The following UBE2N variants were observed in gnomAD, a reference collection of about 807,000 sequenced individuals.
UBE2N encodes the protein ubiquitin-conjugating enzyme E2 N.
For missense variants in UBE2N, 60 were observed against 192.1 expected, an observed-to-expected ratio of 0.31 and a Z score of 4.07; for synonymous variants, 70 against 69.2, an observed-to-expected ratio of 1.01 and a Z score of -0.06.
rs1395262899 is a variant in UBE2N at position 93,407,389 on chromosome 12, CCAA to C, written c.*2647_*2649del. Reference sequence around the variant, plus strand: ...CCATTCACTCACCACCTAATCATCCCCAACAACTAGTGGGCAAACATGAAACAC... The same window carrying C: ...CCATTCACTCACCACCTAATCATCCCCAACTAGTGGGCAAACATGAAACAC... On this transcript the variant is annotated 3_prime_UTR_variant, in exon 4 of 4. Coordinates refer to ENST00000318066, the MANE Select transcript of UBE2N (RefSeq NM_003348.4). 1.3e-5 allele frequency: 2 copies of C among 152,234 alleles called. No individual in the cohort carries two copies. The highest frequency in any genetic ancestry group is 1.5e-5 in the Non-Finnish European group (1 of 68,068). 9.4% of individuals were successfully genotyped at this position (152,234 alleles called of 1,614,324 possible). A position where few individuals can be genotyped will look rare whatever the true frequency, so the allele number is the denominator to read the frequency against.
chr12:93,417,589 T>C (rs1035028880), intron 1 of UBE2N, among the ~76,000 whole-genome samples: 1 of 152,220 alleles, frequency 6.6e-6, no homozygotes, highest in Non-Finnish European at 1.5e-5. Flanking sequence ...TTTTAGAATA[T>C]TCTCTGAAAC....
intron 1 of UBE2N, among the ~76,000 whole-genome samples, chr12:93,418,683 A>C (rs1329636633): frequency 2.0e-5 from 3 of 152,116 alleles, no homozygotes; most frequent in Non-Finnish European, 4.4e-5. Context: ...ATCCAACAGA[A>C]ATATAATACA....
intron 1 of UBE2N, among the ~76,000 whole-genome samples, chr12:93,423,851 C>T (rs1034782323): frequency 2.6e-5 from 4 of 152,128 alleles, no homozygotes; most frequent in Non-Finnish European, 5.9e-5. Context: ...GTCTTCCCTG[C>T]TGAAGGAGAA....
At chr12:93,423,956 G>GT (rs1232059426) in intron 1 of UBE2N, among the ~76,000 whole-genome samples, 1 of 152,060 alleles carries the variant, frequency 6.6e-6, no homozygotes, top group East Asian at 1.9e-4. Flanking sequence ...TTTTTCCCAA[G>GT]TTTTTTTCAC....
chr12:93,431,249 C>CCAAA (rs1281243964), intron 1 of UBE2N, among the ~76,000 whole-genome samples: 1 of 152,136 alleles, frequency 6.6e-6, no homozygotes, highest in Non-Finnish European at 1.5e-5. Context: ...AACCAACCAA[C>CCAAA]CAAACAAACA....
intron 1 of UBE2N, among the ~76,000 whole-genome samples, chr12:93,421,788 G>A (rs1431538401): frequency 2.6e-5 from 4 of 152,180 alleles, no homozygotes; most frequent in Non-Finnish European, 4.4e-5. Context: ...TAGTGCATGA[G>A]ATCAACATGC....
At chr12:93,410,262 A>G in intron 3 of UBE2N, 183 bp from the exon 4 acceptor site, 1 of 565,210 alleles carries the variant, frequency 1.8e-6, no homozygotes, top group Admixed American at 3.7e-5. Context: ...AATTACCAAA[A>G]CACTACAATA....
intron 1 of UBE2N, among the ~76,000 whole-genome samples, chr12:93,439,839 ATGT>A (rs1050869629): frequency 7.2e-5 from 11 of 151,950 alleles, no homozygotes; most frequent in Non-Finnish European, 1.3e-4. Flanking sequence ...CATTAGATAG[ATGT>A]TGTCAACAAG....
chr12:93,411,291 C>T lies in UBE2N; in HGVS notation c.39G>A (p.Gln13=), dbSNP rs1178091263. The T allele has an allele frequency of 6.2e-6, 10 of 1,602,024 alleles. No individual in the cohort carries two copies. Among genetic ancestry groups the T allele is most frequent in the African/African-American group, 1.3e-5 (1 of 74,384 alleles). Residue 13 remains glutamine, a synonymous_variant, in exon 2 of 4, where the codon CAG becomes CAA. Transcript: ENST00000318066. ...CAGGAACTGGTTCTGCCAGCAAACG[C>T]TGGGTTTCCTATGACAGAAAAACAA... The part of the protein sequence containing the change: ...GLPRRIIKET[Q]RLLAEPVPGI...
rs1419479814 is a variant in UBE2N at position 93,406,252 on chromosome 12, AGCTAGAAAGTG to A, written c.*3776_*3786del. 7.4e-6 allele frequency: 1 copy of A among 135,200 alleles called. No homozygotes were observed. The highest frequency in any genetic ancestry group is 1.6e-5 in the Non-Finnish European group (1 of 64,320). The allele number at this position is 135,200 out of a possible 1,614,324, so 8.4% of individuals were successfully genotyped here. ...CACAGCACTCCAGCCTAAACTACAG[AGCTAGAAAGTG>A]GCTAGAGCAGCCAAAAAAAAAAAAA... On this transcript the variant is annotated 3_prime_UTR_variant, in exon 4 of 4. Transcript: ENST00000318066.
At chr12:93,431,086 G>A (rs927496805) in intron 1 of UBE2N, among the ~76,000 whole-genome samples, 6 of 152,164 alleles carry the variant, frequency 3.9e-5, no homozygotes, top group African/African-American at 4.8e-5. Context: ...AATTAGCCGG[G>A]TGTGGTGGCG....
At chr12:93,420,123 T>C (rs948840530) in intron 1 of UBE2N, among the ~76,000 whole-genome samples, 11 of 152,200 alleles carry the variant, frequency 7.2e-5, no homozygotes, top group Admixed American at 7.2e-4. Flanking sequence ...GGAAGAAAAA[T>C]CTATTTCTAA....
At chr12:93,412,897 T>C (rs925877034) in intron 1 of UBE2N, among the ~76,000 whole-genome samples, 18 of 152,364 alleles carry the variant, frequency 1.2e-4, no homozygotes, top group Non-Finnish European at 2.4e-4. Context: ...ACATAAAGTA[T>C]ATTGATTTCT....
intron 1 of UBE2N, among the ~76,000 whole-genome samples, chr12:93,425,857 T>C (rs969169704): frequency 2.6e-5 from 4 of 152,230 alleles, no homozygotes; most frequent in African/African-American, 9.6e-5. Flanking sequence ...ATCACTTCTT[T>C]TGCCCCTCTA....
intron 1 of UBE2N, among the ~76,000 whole-genome samples, chr12:93,423,563 T>C (rs1363488615): frequency 2.0e-5 from 3 of 152,220 alleles, no homozygotes; most frequent in African/African-American, 7.2e-5. Flanking sequence ...CAGCCTGGTG[T>C]ACCTAGCGTG....
chr12:93,429,652 CAGCTCCATGTGTGTT>C (rs1257521293), intron 1 of UBE2N, among the ~76,000 whole-genome samples: 1 of 151,752 alleles, frequency 6.6e-6, no homozygotes. Context: ...CAGGAGATGA[CAGCTCCATGTGTGTT>C]ACTGCCCCTG....
intron 1 of UBE2N, among the ~76,000 whole-genome samples, chr12:93,420,698 C>G (rs1397087275): frequency 6.6e-6 from 1 of 152,112 alleles, no homozygotes; most frequent in African/African-American, 2.4e-5. Context: ...TTGGTAAATT[C>G]CATCTCAGGA....
At chr12:93,437,433 A>G (rs2121101322) in intron 1 of UBE2N, among the ~76,000 whole-genome samples, 1 of 152,202 alleles carries the variant, frequency 6.6e-6, no homozygotes, top group African/African-American at 2.4e-5. Context: ...AGGTATTTGC[A>G]TGAGAAGGAG....
At chr12:93,438,638 G>C (rs941641016) in intron 1 of UBE2N, among the ~76,000 whole-genome samples, 1 of 152,054 alleles carries the variant, frequency 6.6e-6, no homozygotes, top group Non-Finnish European at 1.5e-5. Context: ...TTTTAGCAGG[G>C]GAGTAACATG....
Sources: allele counts gnomAD v4.1 joint callset (sites outside exome capture counted in the v4.1 genomes callset), GRCh38; gene constraint gnomAD v4.1.1; transcripts MANE v1.5; gene names NCBI Gene and HGNC (gene_info 2026-07-23, HGNC 2026-07-21).